Variants in ST18 observed in about 807,000 individuals in gnomAD.
ST18 encodes suppression of tumorigenicity 18 protein.
In ST18, 50 loss-of-function variants were observed where a neutral mutation model predicts 110.0. That is an observed-to-expected ratio of 0.45 (90% CI 0.36 to 0.58). The LOEUF (loss-of-function observed/expected upper bound fraction) is 0.58, where lower values mean the gene tolerates loss of function less well. ST18 is among the 20% of genes least tolerant of loss of function. The pLI is 0.00. For missense variants in ST18, 1,306 were observed against 1,280.1 expected (o/e 1.02, Z -0.31); for synonymous variants, 461 against 452.4 (o/e 1.02, Z -0.24).
At chr8:52,246,254 A>C (rs1016513139) in intron 2 of ST18, among the ~76,000 whole-genome samples, 3 of 152,076 alleles carry the variant, frequency 2.0e-5, no homozygotes, top group Non-Finnish European at 4.4e-5. Context: ...AAAAAGGGAA[A>C]ACTTAAACCA....
intron 2 of ST18, among the ~76,000 whole-genome samples, chr8:52,340,095 A>G: frequency 6.6e-6 from 1 of 152,262 alleles, no homozygotes; most frequent in Non-Finnish European, 1.5e-5. Context: ...ATATATACTG[A>G]CTAAAAGCAA....
At chr8:52,333,853 T>C (rs1316484478) in intron 2 of ST18, among the ~76,000 whole-genome samples, 1 of 152,228 alleles carries the variant, frequency 6.6e-6, no homozygotes, top group East Asian at 1.9e-4. Flanking sequence ...TATTAATAAT[T>C]GCACAAGTTT....
At chr8:52,348,786 G>T (rs7015964) in intron 2 of ST18, among the ~76,000 whole-genome samples, 147,272 of 152,286 alleles carry the variant, frequency 0.97, 71,399 homozygotes, top group Middle Eastern at 1. Context: ...GTATGAAGTT[G>T]TGAAGTATAT....
intron 2 of ST18, among the ~76,000 whole-genome samples, chr8:52,265,180 G>T (rs1017321630): frequency 2.6e-5 from 4 of 152,206 alleles, no homozygotes; most frequent in Non-Finnish European, 4.4e-5. Context: ...ACAGGACAAG[G>T]CAACTGCCGA....
chr8:52,268,404 G>C (rs189265574), intron 2 of ST18, among the ~76,000 whole-genome samples: 8 of 152,300 alleles, frequency 5.3e-5, no homozygotes, highest in African/African-American at 7.2e-5. Flanking sequence ...TCTACAGATG[G>C]CTGGGTGGGG....
intron 2 of ST18, among the ~76,000 whole-genome samples, chr8:52,370,669 A>G (rs1428259626): frequency 1.3e-5 from 2 of 152,104 alleles, no homozygotes; most frequent in African/African-American, 2.4e-5. Context: ...CTTCCTCATG[A>G]CGGCCTGCAT....
chr8:52,286,457 C>T (rs1564415562), intron 2 of ST18, among the ~76,000 whole-genome samples: 1 of 152,184 alleles, frequency 6.6e-6, no homozygotes, highest in Non-Finnish European at 1.5e-5. Flanking sequence ...TATATTACCT[C>T]TTCATGCATG....
intron 2 of ST18, among the ~76,000 whole-genome samples, chr8:52,349,003 C>T (rs141615034): frequency 6.6e-6 from 1 of 152,252 alleles, no homozygotes; most frequent in Non-Finnish European, 1.5e-5. Flanking sequence ...CCCCCATGCC[C>T]AACCCCCACG....
chr8:52,247,441 C>T (rs2093952008), intron 2 of ST18, among the ~76,000 whole-genome samples: 1 of 152,130 alleles, frequency 6.6e-6, no homozygotes, highest in Non-Finnish European at 1.5e-5. Context: ...AAAGTAACTC[C>T]ACTCCTTTTC....
chr8:52,366,569 C>T (rs6415663), intron 2 of ST18, among the ~76,000 whole-genome samples: 149,788 of 152,208 alleles, frequency 0.98, 73,750 homozygotes, highest in Middle Eastern at 1. Flanking sequence ...CTGCCTGGGA[C>T]AGTCACACAA....
intron 2 of ST18, among the ~76,000 whole-genome samples, chr8:52,265,029 T>C (rs1006266619): frequency 2.0e-5 from 3 of 152,182 alleles, no homozygotes; most frequent in Admixed American, 6.5e-5. Context: ...GAGTACAAGA[T>C]GATGGCTGTG....
chr8:52,149,031 G>A (rs939197531), intron 16 of ST18, among the ~76,000 whole-genome samples: 3 of 152,176 alleles, frequency 2.0e-5, no homozygotes, highest in African/African-American at 4.8e-5. Context: ...CTAAACAACC[G>A]AGGGTTCTGG....
chr8:52,172,207 G>A lies in ST18; in HGVS notation c.654C>T (p.Val218=). 1 of 1,614,020 alleles carries A rather than the reference G, an allele frequency of 6.2e-7. No homozygotes were observed. Among genetic ancestry groups the A allele is most frequent in the South Asian group, 1.1e-5 (1 of 91,074 alleles). The change falls in exon 10 of 26, where the codon GTC becomes GTT. Residue 218 remains valine (V), a synonymous_variant. Transcript: ENST00000689386. ...NFSEETKPPR[V]PKYVLTDHKK... The stretch of plus-strand genomic sequence containing the variant: ...TATGATCTGTTAAAACATACTTTGG[G>A]ACTCTAGGTGGTTTGGTTTCTTCTG...
At chr8:52,114,304 T>C (rs1224019009) in intron 25 of ST18, among the ~76,000 whole-genome samples, 1 of 152,080 alleles carries the variant, frequency 6.6e-6, no homozygotes, top group East Asian at 1.9e-4. Context: ...GTCTCTCCTT[T>C]ACCCAGTGTG....
At position 52,149,712 on chromosome 8, in the gene ST18, T is replaced by C. The variant is rs2058295176; in HGVS notation, c.2052+20A>G. Reference sequence around the variant, plus strand: ...AATCATGCTGTCTTCAACTTATTGATTGACATATGGAAACAATACCTCTTT... The same window carrying C: ...AATCATGCTGTCTTCAACTTATTGACTGACATATGGAAACAATACCTCTTT... On this transcript the variant is annotated intron_variant, in intron 16 of 25. Transcript: ENST00000689386. 3 of 1,607,638 alleles carry C rather than the reference T, an allele frequency of 1.9e-6. No homozygotes were observed. Among genetic ancestry groups the C allele is most frequent in the African/African-American group, 1.3e-5 (1 of 74,762 alleles).
intron 2 of ST18, among the ~76,000 whole-genome samples, chr8:52,261,443 A>G (rs1293998261): frequency 6.6e-6 from 1 of 152,166 alleles, no homozygotes. Flanking sequence ...AATGCTCACC[A>G]TTTCACTGCT....
chr8:52,198,749 C>T (rs2076987020), intron 8 of ST18, among the ~76,000 whole-genome samples: 1 of 152,176 alleles, frequency 6.6e-6, no homozygotes, highest in Non-Finnish European at 1.5e-5. Flanking sequence ...GCCAAGTGTC[C>T]TATTGAATTA....
intron 16 of ST18, among the ~76,000 whole-genome samples, chr8:52,147,696 A>T (rs942761869): frequency 4.6e-5 from 7 of 151,926 alleles, no homozygotes; most frequent in Non-Finnish European, 1.0e-4. Flanking sequence ...TTAATTCATG[A>T]GACACTGTCC....
At chr8:52,296,694 T>A (rs943067024) in intron 2 of ST18, 2 of 152,196 alleles carry the variant, frequency 1.3e-5, no homozygotes, top group Non-Finnish European at 2.9e-5. Context: ...CAGTAGGCAA[T>A]ATAATACTAT....
Sources: allele counts gnomAD v4.1 joint callset (sites outside exome capture counted in the v4.1 genomes callset), GRCh38; gene constraint gnomAD v4.1.1; transcripts MANE v1.5; gene names NCBI Gene and HGNC (gene_info 2026-07-23, HGNC 2026-07-21).